The following RGS12 variants were observed in gnomAD, a reference collection of about 807,000 sequenced individuals.
The protein encoded by RGS12 is regulator of G protein signaling 12, also known as regulator of G-protein signaling 12.
Under a neutral mutation model 120.1 loss-of-function variants are expected in RGS12, and 66 were observed. That is an observed-to-expected ratio of 0.55 (90% CI 0.45 to 0.67). The LOEUF (loss-of-function observed/expected upper bound fraction) is 0.67, where lower values mean the gene tolerates loss of function less well. Ranked by LOEUF, RGS12 falls within the 30% of genes least tolerant of loss-of-function variation. The probability of loss-of-function intolerance (pLI) is 0.00; values close to 1 mark genes in which losing one functional copy is unlikely to be tolerated. For missense variants in RGS12, 1,859 were observed against 1,957.7 expected, an observed-to-expected ratio of 0.95 and a Z score of 0.95; for synonymous variants, 827 against 804.7, an observed-to-expected ratio of 1.03 and a Z score of -0.47.
intron 10 of RGS12, among the ~76,000 whole-genome samples, chr4:3,421,095 G>GTT (rs980064625): frequency 1.1e-3 from 160 of 152,290 alleles, no homozygotes; most frequent in Middle Eastern, 6.8e-3. Context: ...GTCTCAGCGC[G>GTT]TGAGCATCCC....
chr4:3,351,995 A>G (rs957103816), intron 3 of RGS12, among the ~76,000 whole-genome samples: 2 of 152,222 alleles, frequency 1.3e-5, no homozygotes, highest in African/African-American at 4.8e-5. Context: ...AGCAAGGGAA[A>G]AAAGAGCCAA....
upstream of RGS12, among the ~76,000 whole-genome samples, chr4:3,292,798 G>A (rs1244040590): frequency 2.0e-5 from 3 of 152,050 alleles, no homozygotes; most frequent in African/African-American, 7.2e-5. Flanking sequence ...CCCCGGCCGT[G>A]GAGGCCCCGT....
intron 2 of RGS12, among the ~76,000 whole-genome samples, chr4:3,326,385 T>G (rs918259491): frequency 6.6e-6 from 1 of 152,194 alleles, no homozygotes; most frequent in Non-Finnish European, 1.5e-5. Context: ...TAGCTAGAAC[T>G]ACAGGTGCAT....
chr4:3,316,692 G>C lies in RGS12; in HGVS notation c.522G>C (p.Ser174=). ...TGAAACAAAGATCCCTTTCAGAGTC[G>C]GCCGCAACTCGATTTGATGTTGGAC... ...LKLKQRSLSE[S]AATRFDVGHE... The change falls in exon 2 of 18, where the codon TCG becomes TCC. Residue 174 remains serine (S), a synonymous_variant. Transcript: ENST00000336727. The C allele has an allele frequency of 6.2e-7, 1 of 1,614,042 alleles. No homozygotes were observed. The highest frequency in any genetic ancestry group is 1.3e-5 in the African/African-American group (1 of 75,012).
At chr4:3,309,609 TGGGAATGGCAGGTGTC>T (rs1724214727) in intron 1 of RGS12, among the ~76,000 whole-genome samples, 8 of 44,306 alleles carry the variant, frequency 1.8e-4, no homozygotes, top group Non-Finnish European at 3.1e-4. Flanking sequence ...AGCTGGGACC[TGGGAATGGCAGGTGTC>T]CGCTGAGGGG....
intron 1 of RGS12, among the ~76,000 whole-genome samples, chr4:3,295,183 G>T (rs1305774701): frequency 6.6e-6 from 1 of 152,186 alleles, no homozygotes; most frequent in African/African-American, 2.4e-5. Flanking sequence ...TGGTGACCCA[G>T]CCGGCCTGGC....
intron 5 of RGS12, 125 bp downstream of exon 5, chr4:3,414,366 G>A (rs1463966533): frequency 8.1e-6 from 9 of 1,113,592 alleles, no homozygotes; most frequent in African/African-American, 1.6e-5. Context: ...CGTGGCAGGG[G>A]TCTCCCCTCC....
At chr4:3,430,311 A>G in intron 16 of RGS12, 96 bp from the exon 17 acceptor site, 1 of 1,135,786 alleles carries the variant, frequency 8.8e-7, no homozygotes, top group Non-Finnish European at 1.3e-6. Context: ...GGGTGTTAGG[A>G]CAGCCCAGGA....
chr4:3,352,646 A>G (rs1270475965), intron 3 of RGS12, among the ~76,000 whole-genome samples: 2 of 152,230 alleles, frequency 1.3e-5, no homozygotes, highest in Non-Finnish European at 2.9e-5. Context: ...TCTTGGCTAC[A>G]AGGATCAATA....
At position 3,416,986 on chromosome 4, in the gene RGS12, C is replaced by G. The variant is rs777223492; in HGVS notation, c.2501C>G (p.Ala834Gly). ...KSPLYQECIL[A>G]EVEGRALPDS... ...CCGCTGTACCAGGAATGCATCCTGG[C>G]GGAAGTGGAGGGCCGTGCACTCCCG... is the stretch of plus-strand genomic sequence containing the variant. The change falls in exon 8 of 18, where the codon GCG becomes GGG. Residue 834 changes from alanine to glycine, a missense_variant. Coordinates refer to ENST00000336727, the MANE Select transcript of RGS12 (RefSeq NM_001394154.1). 2 of 1,613,324 alleles carry G rather than the reference C, an allele frequency of 1.2e-6. No individual in the cohort carries two copies. Among genetic ancestry groups the G allele is most frequent in the East Asian group, 4.5e-5 (2 of 44,880 alleles).
At chr4:3,439,424 C>T (rs1446769381) in intron 17 of RGS12, 31 bp from the exon 18 acceptor site, 1 of 1,610,696 alleles carries the variant, frequency 6.2e-7, no homozygotes, top group South Asian at 1.1e-5. Flanking sequence ...CCGGGCCAGG[C>T]AAGTGACAGC....
intron 3 of RGS12, among the ~76,000 whole-genome samples, chr4:3,354,117 C>T (rs1185834996): frequency 6.6e-6 from 1 of 152,140 alleles, no homozygotes; most frequent in Admixed American, 6.5e-5. Context: ...GGGGTTGCTG[C>T]CCTAGGCCTT....
intron 3 of RGS12, chr4:3,385,995 G>T: frequency 4.9e-6 from 1 of 205,246 alleles, no homozygotes; most frequent in Non-Finnish European, 9.7e-6. Flanking sequence ...GCACTGAGTG[G>T]ACTGTTGGTG....
intron 1 of RGS12, among the ~76,000 whole-genome samples, chr4:3,296,074 G>C (rs1376116346): frequency 1.3e-5 from 2 of 148,878 alleles, no homozygotes; most frequent in African/African-American, 5.2e-5. Context: ...GTCAGCTTCT[G>C]GGGGCTGGAG....
intron 1 of RGS12, among the ~76,000 whole-genome samples, chr4:3,295,509 A>G (rs1460945578): frequency 6.6e-6 from 1 of 151,928 alleles, no homozygotes; most frequent in East Asian, 1.9e-4. Context: ...AAAAATACAA[A>G]ATTATTCGGG....
intron 17 of RGS12, chr4:3,431,745 A>T (rs1337698105): frequency 2.0e-6 from 2 of 985,538 alleles, no homozygotes; most frequent in Admixed American, 6.1e-5. Context: ...GGTGCGCGTC[A>T]TGGAGTGTGC....
chr4:3,403,852 G>A (rs1198577388), intron 4 of RGS12, among the ~76,000 whole-genome samples: 1 of 152,244 alleles, frequency 6.6e-6, no homozygotes, highest in African/African-American at 2.4e-5. Flanking sequence ...TTGATAACTG[G>A]GGAATGAAAT....
intron 3 of RGS12, 189 bp downstream of exon 3, chr4:3,343,242 T>A (rs1243609521): frequency 1.8e-6 from 1 of 546,318 alleles, no homozygotes; most frequent in Non-Finnish European, 3.3e-6. Flanking sequence ...CTGCAATGTG[T>A]CTGAGCTGTC....
intron 3 of RGS12, among the ~76,000 whole-genome samples, chr4:3,371,715 A>G (rs1388622793): frequency 1.3e-5 from 2 of 152,194 alleles, no homozygotes; most frequent in Non-Finnish European, 2.9e-5. Context: ...GGTCCTGGCC[A>G]GCAGACGAGG....
Sources: gnomAD v4.1 joint callset for allele counts (sites outside exome capture counted in the v4.1 genomes callset) on GRCh38, gnomAD v4.1.1 for gene constraint, MANE v1.5 for transcripts, NCBI Gene and HGNC (gene_info 2026-07-23, HGNC 2026-07-21) for gene names.